Variants in NEDD9 observed in about 807,000 individuals in gnomAD.
NEDD9 encodes enhancer of filamentation 1.
NEDD9 carries 26 observed loss-of-function variants against 76.6 expected under a neutral mutation model. That is an observed-to-expected ratio of 0.34 (90% CI 0.25 to 0.47). The LOEUF (loss-of-function observed/expected upper bound fraction) is 0.47. NEDD9 is among the 20% of genes least tolerant of loss of function. The pLI, the probability that NEDD9 is intolerant of heterozygous loss-of-function variation, is 1.00. For synonymous variants in NEDD9, 392 were observed against 414.2 expected, an observed-to-expected ratio of 0.95 and a Z score of 0.65; for missense variants, 937 against 1,058.5, an observed-to-expected ratio of 0.89 and a Z score of 1.59.
chr6:11,235,094 T>C (rs1232137768), upstream of NEDD9, among the ~76,000 whole-genome samples: 3 of 152,176 alleles, frequency 2.0e-5, no homozygotes, highest in Non-Finnish European at 4.4e-5. This position sits in a 1 kb window ranked among gnomAD's most constrained non-coding sequence, Gnocchi z 4.1. Flanking sequence ...GAGGATTAAA[T>C]AAGATAATGT....
At chr6:11,377,631 C>A (rs181849291) in intron 1 of NEDD9, among the ~76,000 whole-genome samples, 2 of 152,300 alleles carry the variant, frequency 1.3e-5, no homozygotes, top group Admixed American at 6.5e-5. Context: ...TTTAGAGTCT[C>A]ATAGGTGGAC....
intron 1 of NEDD9, among the ~76,000 whole-genome samples, chr6:11,366,357 GAAGA>G (rs1184295424): frequency 1.1e-4 from 16 of 140,510 alleles, no homozygotes; most frequent in African/African-American, 1.9e-4. Context: ...AGAAAGAAAT[GAAGA>G]AAGAAAGAAA....
intron 3 of NEDD9, among the ~76,000 whole-genome samples, chr6:11,193,310 TAAAAAAAAAAA>T (rs796698181): frequency 7.3e-6 from 1 of 136,620 alleles, no homozygotes; most frequent in African/African-American, 2.7e-5. Flanking sequence ...GATTCTGTCT[TAAAAAAAAAAA>T]AAAGAAAAAA....
At chr6:11,229,170 A>G (rs541926338) in intron 1 of NEDD9, among the ~76,000 whole-genome samples, 52 of 152,332 alleles carry the variant, frequency 3.4e-4, no homozygotes, top group African/African-American at 1.2e-3. Context: ...GACTTTCAGA[A>G]TGCACCTTTC....
chr6:11,284,561 G>C (rs539728882), intron 3 of NEDD9, among the ~76,000 whole-genome samples: 147 of 151,570 alleles, frequency 9.7e-4, no homozygotes, highest in African/African-American at 3.5e-3. Flanking sequence ...GCAAGACTCT[G>C]TCTCAAAAAA....
intron 2 of NEDD9, among the ~76,000 whole-genome samples, chr6:11,308,454 C>T (rs1761259486): frequency 6.7e-6 from 1 of 148,396 alleles, no homozygotes; most frequent in Non-Finnish European, 1.5e-5. Context: ...ACTGCAAGCT[C>T]CGCCTCCCAG....
At chr6:11,205,961 A>G (rs1169975678) in intron 2 of NEDD9, among the ~76,000 whole-genome samples, 2 of 152,194 alleles carry the variant, frequency 1.3e-5, no homozygotes, top group African/African-American at 4.8e-5. Context: ...ACATTGTCCT[A>G]TGTGAGTGGC....
rs759739278 is a variant in NEDD9 at position 11,213,666 on chromosome 6, C to T, written c.74G>A (p.Arg25His). The T allele has an allele frequency of 1.8e-5, 29 of 1,614,002 alleles. No individual in the cohort carries two copies. The highest frequency in any genetic ancestry group is 1.5e-4 in the Admixed American group (9 of 60,000). Residue 25 changes from arginine to histidine, a missense_variant, in exon 2 of 7, where the codon CGC becomes CAC. By Grantham distance (29) the Arg-to-His change is conservative. Transcript: ENST00000379446. The surrounding 1 kb of genome is among the most constrained non-coding windows in gnomAD (Gnocchi z 5.4). ...TATGACGGTCAGGATGTCTCCCTTG[C>T]GAAAGGCCAGTTCCTCGGCACACTC... ...VPECAEELAF[R>H]KGDILTVIEQ...
chr6:11,314,842 C>T (rs1003595089), intron 2 of NEDD9, among the ~76,000 whole-genome samples: 1 of 150,408 alleles, frequency 6.6e-6, no homozygotes, highest in African/African-American at 2.5e-5. Flanking sequence ...TCAGTTTCCT[C>T]AGGCATCAAA....
In NEDD9 at chr6:11,343,735, T is replaced by A. The variant is rs191373958; in HGVS notation, c.-213-9174A>T. On this transcript the variant is annotated intron_variant, in intron 1 of 3. Coordinates refer to the NEDD9 transcript ENST00000397378. ...ATTTACCTTCTTTACTGCTATCAGA[T>A]ATAAGATGAGTAGACAGGCTAAAAT... 2.5e-3 allele frequency among the ~76,000 whole-genome samples: 383 copies of A among 152,314 alleles called. 1 individual carries two copies. The highest frequency in any genetic ancestry group is 8.8e-3 in the African/African-American group (364 of 41,560).
intron 2 of NEDD9, among the ~76,000 whole-genome samples, chr6:11,314,642 C>T (rs1352609768): frequency 6.6e-6 from 1 of 152,124 alleles, no homozygotes; most frequent in African/African-American, 2.4e-5. Context: ...TTTTTCTTAT[C>T]TCTCTTTGGA....
intron 3 of NEDD9, among the ~76,000 whole-genome samples, chr6:11,298,313 A>G (rs960458174): frequency 2.0e-5 from 3 of 152,090 alleles, no homozygotes; most frequent in African/African-American, 7.3e-5. Context: ...ATCTGTGTGT[A>G]TGAAAAGTTA....
At chr6:11,350,815 C>T (rs1385328297) in intron 1 of NEDD9, among the ~76,000 whole-genome samples, 2 of 152,128 alleles carry the variant, frequency 1.3e-5, no homozygotes, top group East Asian at 3.9e-4. Context: ...CCCTGATACA[C>T]ATAGCGTAGG....
rs184721250 is a variant in NEDD9, at chr6:11,294,652, C to T, written c.12+11340G>A. On this transcript the variant is annotated intron_variant, in intron 3 of 3. Coordinates refer to the NEDD9 transcript ENST00000397378. ...GTAGTTCTTTATAGCAATGTAAGAA[C>T]GAACTAATATATCAGTTTACATTCC... Among the ~76,000 whole-genome samples, 168 of 152,236 alleles carry T rather than the reference C, an allele frequency of 1.1e-3. 1 individual carries two copies. Among genetic ancestry groups the T allele is most frequent in the Non-Finnish European group, 1.9e-3 (132 of 68,020 alleles).
At chr6:11,240,348 C>T (rs1759688101) in intron 3 of NEDD9, among the ~76,000 whole-genome samples, 1 of 152,100 alleles carries the variant, frequency 6.6e-6, no homozygotes, top group African/African-American at 2.4e-5. Context: ...CTGTACAGCC[C>T]CTTACAACCA....
At chr6:11,330,703 CAAGCACTGA>C (rs1762018103) in intron 2 of NEDD9, among the ~76,000 whole-genome samples, 1 of 152,196 alleles carries the variant, frequency 6.6e-6, no homozygotes, top group South Asian at 2.1e-4. Context: ...TCTAAGTCCC[CAAGCACTGA>C]AATATTTTGG....
chr6:11,197,942 G>A (rs1288724126), intron 2 of NEDD9, among the ~76,000 whole-genome samples: 1 of 152,114 alleles, frequency 6.6e-6, no homozygotes, highest in Non-Finnish European at 1.5e-5. Context: ...TTGGATGAGA[G>A]GCCCTTGGGA....
chr6:11,184,860 TCAGA>T lies in NEDD9; in HGVS notation c.*298_*301del. 1 of 232,132 alleles carries T rather than the reference TCAGA, an allele frequency of 4.3e-6. No homozygotes were observed. Among genetic ancestry groups the T allele is most frequent in the East Asian group, 8.5e-5 (1 of 11,728 alleles). The allele number at this position is 232,132 out of a possible 1,614,324, so 14.4% of individuals were successfully genotyped here. Reference sequence around the variant, plus strand: ...ATGGTTTTTTTTTTAATGAAATGCATCAGACAAACATCTACAAACAAACATGAAT... The same window carrying T: ...ATGGTTTTTTTTTTAATGAAATGCATCAAACATCTACAAACAAACATGAAT... On this transcript the variant is annotated 3_prime_UTR_variant, in exon 7 of 7. Coordinates refer to ENST00000379446, the MANE Select transcript of NEDD9 (RefSeq NM_006403.4).
chr6:11,276,982 AT>A (rs1365450293), intron 3 of NEDD9, among the ~76,000 whole-genome samples: 2 of 146,708 alleles, frequency 1.4e-5, no homozygotes, highest in African/African-American at 5.0e-5. Flanking sequence ...AGTGATGGAA[AT>A]GAAAATAGAG....
Sources: gnomAD v4.1 joint callset for allele counts (sites outside exome capture counted in the v4.1 genomes callset) on GRCh38, gnomAD v4.1.1 for gene constraint, Gnocchi (gnomAD v3.1) non-coding constraint, MANE v1.5 for transcripts, NCBI Gene and HGNC (gene_info 2026-07-23, HGNC 2026-07-21) for gene names.